PRKAR1A: variants seen among roughly 807,000 people sequenced by gnomAD.
PRKAR1A encodes protein kinase cAMP-dependent type I regulatory subunit alpha.
Under a neutral mutation model 52.0 loss-of-function variants are expected in PRKAR1A, and 3 were observed. The ratio of observed to expected loss-of-function variants is 0.06; its 90% CI spans 0.03 to 0.15. The LOEUF (loss-of-function observed/expected upper bound fraction) is 0.15, where lower values mean the gene tolerates loss of function less well. Ranked by LOEUF, PRKAR1A falls within the 10% of genes least tolerant of loss-of-function variation. PRKAR1A has a pLI of 1.00. For synonymous variants in PRKAR1A, 188 were observed against 168.4 expected (o/e 1.12, Z -0.90); for missense variants, 240 against 477.4 (o/e 0.50, Z 4.63).
At chr17:68,489,259 ATGGAAAG>A in the PRKAR1A span, among the ~76,000 whole-genome samples, 3 of 27,088 alleles carry the variant, frequency 1.1e-4, no homozygotes, top group East Asian at 1.3e-3. Context: ...ATATATATAT[ATGGAAAG>A]TATATATATA....
chr17:68,417,578 A>C, the PRKAR1A span, among the ~76,000 whole-genome samples: 1 of 151,198 alleles, frequency 6.6e-6, no homozygotes, highest in African/African-American at 2.4e-5. Flanking sequence ...GGGCTTCCCT[A>C]CTCCTGGCAC....
At chr17:68,508,414 C>T (rs143033077), upstream of PRKAR1A, among the ~76,000 whole-genome samples, 59 of 152,290 alleles carry the variant, frequency 3.9e-4, no homozygotes, top group East Asian at 9.3e-3. Flanking sequence ...CATTCTCCTA[C>T]GCATATTAAC....
At chr17:68,487,528 C>T in the PRKAR1A span, among the ~76,000 whole-genome samples, 39 of 152,082 alleles carry the variant, frequency 2.6e-4, no homozygotes, top group Non-Finnish European at 4.7e-4. Flanking sequence ...TGGGGTCGGG[C>T]GCGGTGGTTC....
the PRKAR1A span, among the ~76,000 whole-genome samples, chr17:68,455,361 C>CA: frequency 0.51 from 52,084 of 102,440 alleles, 11,997 homozygotes; most frequent in Middle Eastern, 0.6. Flanking sequence ...AAGACTGTCT[C>CA]AAAAAAAAAA....
the PRKAR1A span, chr17:68,420,261 A>T: frequency 1.9e-6 from 3 of 1,614,138 alleles, no homozygotes; most frequent in East Asian, 6.7e-5. Flanking sequence ...TTCAACCTGG[A>T]AGACGATACC....
intron 11 of PRKAR1A, among the ~76,000 whole-genome samples, chr17:68,546,938 C>T (rs2086601060): frequency 6.6e-6 from 1 of 152,028 alleles, no homozygotes; most frequent in African/African-American, 2.4e-5. Flanking sequence ...CATTAGTCTC[C>T]TCGGACATCT....
intron 2 of PRKAR1A, among the ~76,000 whole-genome samples, chr17:68,516,553 A>C (rs771528525): frequency 6.6e-5 from 10 of 152,160 alleles, no homozygotes; most frequent in Middle Eastern, 3.4e-3. Flanking sequence ...TAATAGAAAT[A>C]ATTTGCTTTA....
the PRKAR1A span, among the ~76,000 whole-genome samples, chr17:68,415,491 T>G: frequency 2.6e-5 from 4 of 152,182 alleles, no homozygotes; most frequent in Non-Finnish European, 5.9e-5. Flanking sequence ...GAATGTGTAT[T>G]CTGCAGTTGT....
chr17:68,430,088 A>G, the PRKAR1A span: 1 of 1,614,162 alleles, frequency 6.2e-7, no homozygotes, highest in Non-Finnish European at 8.5e-7. Flanking sequence ...ACACCTGGGT[A>G]GGGAGGTAGT....
At chr17:68,540,434 G>C in intron 11 of PRKAR1A, 1 of 464,306 alleles carries the variant, frequency 2.2e-6, no homozygotes. Flanking sequence ...TAAGTGTCTC[G>C]TCTCCCTAGA....
the PRKAR1A span, chr17:68,426,252 G>GGGGGGGGGGGGGGT: frequency 8.5e-6 from 7 of 828,186 alleles, 2 homozygotes; most frequent in South Asian, 2.7e-5. Flanking sequence ...TGGGGAGCGG[G>GGGGGGGGGGGGGGT]GGCTCAAATA....
chr17:68,450,596 G>A, the PRKAR1A span: 14 of 1,224,090 alleles, frequency 1.1e-5, no homozygotes, highest in South Asian at 1.0e-4. Flanking sequence ...CCCGGGACAC[G>A]GGGCCTGAGT....
At chr17:68,478,762 C>G in the PRKAR1A span, among the ~76,000 whole-genome samples, 1 of 148,766 alleles carries the variant, frequency 6.7e-6, no homozygotes, top group African/African-American at 2.5e-5. Context: ...GACTCTCGCT[C>G]TGTAGCCCAG....
At chr17:68,470,536 C>T in the PRKAR1A span, among the ~76,000 whole-genome samples, 1 of 152,238 alleles carries the variant, frequency 6.6e-6, no homozygotes, top group Non-Finnish European at 1.5e-5. Context: ...TCTTTAAACA[C>T]TACTTTTCTC....
chr17:68,486,408 C>A, the PRKAR1A span, among the ~76,000 whole-genome samples: 2 of 136,718 alleles, frequency 1.5e-5, no homozygotes, highest in East Asian at 3.9e-4. Context: ...TTCTTTCTTT[C>A]TTTCTTTCCT....
rs1351567800 is a variant in PRKAR1A at position 68,530,934 on chromosome 17, A to C, written c.*485A>C. Reference sequence around the variant, plus strand: ...GAAAATGGATATAGAAAATCTTAGTATAGTAGAAAGACATCTGCCTGTAAT... The same window carrying C: ...GAAAATGGATATAGAAAATCTTAGTCTAGTAGAAAGACATCTGCCTGTAAT... On this transcript the variant is annotated 3_prime_UTR_variant, in exon 11 of 11. Transcript: ENST00000589228. 7.2e-6 allele frequency: 8 copies of C among 1,104,358 alleles called. No homozygotes were observed. The highest frequency in any genetic ancestry group is 3.9e-4 in the Middle Eastern group (1 of 2,546). The allele number at this position is 1,104,358 out of a possible 1,614,324, so 68.4% of individuals were successfully genotyped here. A position where few individuals can be genotyped will look rare whatever the true frequency, so the allele number is the denominator to read the frequency against.
the PRKAR1A span, among the ~76,000 whole-genome samples, chr17:68,465,474 A>T: frequency 6.6e-6 from 1 of 151,810 alleles, no homozygotes; most frequent in Non-Finnish European, 1.5e-5. Context: ...ATTATTTTTT[A>T]GATGGAGTCT....
chr17:68,488,206 G>T, the PRKAR1A span, among the ~76,000 whole-genome samples: 2 of 152,150 alleles, frequency 1.3e-5, no homozygotes, highest in Admixed American at 6.5e-5. Context: ...TGAGATCGAG[G>T]TGGGCCTGGC....
At chr17:68,428,519 C>T in the PRKAR1A span, 4 of 239,716 alleles carry the variant, frequency 1.7e-5, no homozygotes, top group South Asian at 5.8e-5. Context: ...AGGTGTGAGC[C>T]GCCACACCTG....
Sources: gnomAD v4.1 joint callset for allele counts (sites outside exome capture counted in the v4.1 genomes callset) on GRCh38, gnomAD v4.1.1 for gene constraint, MANE v1.5 for transcripts, NCBI Gene and HGNC (gene_info 2026-07-23, HGNC 2026-07-21) for gene names.